The following WDR70 variants were observed in gnomAD, a reference collection of about 807,000 sequenced individuals.
The protein encoded by WDR70 is WD repeat-containing protein 70.
In WDR70, 53 loss-of-function variants were observed where a neutral mutation model predicts 88.6. The observed-to-expected ratio is 0.60, with a 90% confidence interval of 0.48 to 0.75. The LOEUF is 0.75. Among genes scored for constraint, WDR70 ranks in the 30% least tolerant of loss-of-function variants. WDR70 has a pLI of 0.00. For synonymous variants in WDR70, 280 were observed against 270.0 expected, an observed-to-expected ratio of 1.04 and a Z score of -0.36; for missense variants, 610 against 823.2, an observed-to-expected ratio of 0.74 and a Z score of 3.17.
rs765523095 is a variant in WDR70 at position 37,415,793 on chromosome 5, AC to A, written c.492+19224del. Among the ~76,000 whole-genome samples the A allele has an allele frequency of 1.6e-3, 199 of 125,780 alleles. 2 individuals are homozygous for A. The highest frequency in any genetic ancestry group is 5.3e-3 in the South Asian group (17 of 3,196). 82.5% of individuals were successfully genotyped at this position (125,780 alleles called of 152,430 possible). A position where few individuals can be genotyped will look rare whatever the true frequency, so the allele number is the denominator to read the frequency against. On this transcript the variant is annotated intron_variant, in intron 5 of 17. Transcript: ENST00000265107. ...GGCGGAGGGTCTCCTCACTTCTCAG[AC>A]GGGGCGGCCGGGCAGAGACGCTCCT... is the stretch of plus-strand genomic sequence containing the variant.
intron 3 of WDR70, among the ~76,000 whole-genome samples, chr5:37,384,997 T>C (rs1748563741): frequency 1.3e-5 from 2 of 152,154 alleles, no homozygotes; most frequent in African/African-American, 2.4e-5. Context: ...ACCGCTCTTT[T>C]TGGTTTGATA....
chr5:37,683,957 C>T (rs1166083597), intron 10 of WDR70, among the ~76,000 whole-genome samples: 3 of 151,996 alleles, frequency 2.0e-5, no homozygotes, highest in Non-Finnish European at 4.4e-5. Flanking sequence ...TTCCATTCTC[C>T]CCATCTCTTT....
chr5:37,710,623 A>G (rs769707192), intron 13 of WDR70, among the ~76,000 whole-genome samples: 2 of 152,210 alleles, frequency 1.3e-5, no homozygotes, highest in African/African-American at 2.4e-5. Flanking sequence ...TAATGCAACA[A>G]TATAAAAAAT....
chr5:37,560,884 C>T (rs1352276927), intron 9 of WDR70, among the ~76,000 whole-genome samples: 2 of 149,018 alleles, frequency 1.3e-5, no homozygotes, highest in Non-Finnish European at 3.0e-5. Context: ...CAATAATAGC[C>T]CACTGCAGCC....
chr5:37,430,710 GC>G (rs1561849336), intron 5 of WDR70, among the ~76,000 whole-genome samples: 1 of 151,812 alleles, frequency 6.6e-6, no homozygotes, highest in Non-Finnish European at 1.5e-5. Context: ...ACAAGCCTGC[GC>G]CACCACACCC....
chr5:37,411,814 C>A (rs1749534578), intron 5 of WDR70, among the ~76,000 whole-genome samples: 1 of 152,038 alleles, frequency 6.6e-6, no homozygotes, highest in South Asian at 2.1e-4. Flanking sequence ...CCACACTGTC[C>A]CAACTGTGAT....
intron 17 of WDR70, among the ~76,000 whole-genome samples, chr5:37,730,629 T>C (rs1191661636): frequency 6.6e-6 from 1 of 152,174 alleles, no homozygotes; most frequent in African/African-American, 2.4e-5. Flanking sequence ...TTCAGTATTT[T>C]GTAAGTACTA....
At chr5:37,381,518 G>A (rs1305050685) in intron 2 of WDR70, 84 bp from the exon 3 acceptor site, 2 of 1,023,744 alleles carry the variant, frequency 2.0e-6, no homozygotes, top group Non-Finnish European at 3.0e-6. Context: ...GACAAAGTAA[G>A]TGTTTATTGA....
intron 17 of WDR70, among the ~76,000 whole-genome samples, chr5:37,737,014 T>A (rs1006226560): frequency 3.9e-5 from 6 of 152,154 alleles, no homozygotes; most frequent in African/African-American, 1.4e-4. Context: ...AGTAGCAAGC[T>A]GCTATATTGT....
intron 7 of WDR70, among the ~76,000 whole-genome samples, chr5:37,445,590 C>T (rs1738439786): frequency 6.6e-6 from 1 of 152,130 alleles, no homozygotes; most frequent in African/African-American, 2.4e-5. Context: ...GCTTATCCAC[C>T]ATGATCAAGT....
At chr5:37,741,864 T>G (rs1334192671) in intron 17 of WDR70, among the ~76,000 whole-genome samples, 1 of 152,246 alleles carries the variant, frequency 6.6e-6, no homozygotes, top group Non-Finnish European at 1.5e-5. Flanking sequence ...AAACAGTTTT[T>G]GTCTTTCTGT....
intron 9 of WDR70, among the ~76,000 whole-genome samples, chr5:37,537,779 G>A (rs1276225639): frequency 2.0e-5 from 3 of 152,004 alleles, no homozygotes. Flanking sequence ...AAATATCCTA[G>A]ATATTTTTCA....
chr5:37,516,977 C>T (rs769963224), intron 9 of WDR70, among the ~76,000 whole-genome samples: 2 of 152,064 alleles, frequency 1.3e-5, no homozygotes, highest in South Asian at 2.1e-4. Context: ...CTGCCTCAGC[C>T]TCCCAAAGTG....
chr5:37,670,096 T>G (rs779876996), intron 10 of WDR70, among the ~76,000 whole-genome samples: 18 of 152,144 alleles, frequency 1.2e-4, no homozygotes, highest in Non-Finnish European at 2.5e-4. Flanking sequence ...TAAAATTGAT[T>G]GTACTGGTGG....
intron 10 of WDR70, among the ~76,000 whole-genome samples, chr5:37,676,870 C>T (rs1334226016): frequency 6.6e-6 from 1 of 152,054 alleles, no homozygotes; most frequent in African/African-American, 2.4e-5. Flanking sequence ...GTCTTGGACT[C>T]TTTTTGGTTG....
chr5:37,696,314 T>C (rs1359869601), intron 10 of WDR70, among the ~76,000 whole-genome samples: 1 of 152,212 alleles, frequency 6.6e-6, no homozygotes, highest in Non-Finnish European at 1.5e-5. Flanking sequence ...TCACTCAATA[T>C]ATACAGATTA....
intron 9 of WDR70, among the ~76,000 whole-genome samples, chr5:37,517,735 A>G (rs1740931730): frequency 1.2e-5 from 1 of 86,294 alleles, no homozygotes; most frequent in Non-Finnish European, 2.9e-5. Context: ...TATGTGAGAT[A>G]TTTTGATAGC....
At chr5:37,485,234 G>A (rs1161925834) in intron 8 of WDR70, among the ~76,000 whole-genome samples, 1 of 152,132 alleles carries the variant, frequency 6.6e-6, no homozygotes, top group East Asian at 1.9e-4. Flanking sequence ...AGATTAGATT[G>A]TCTACGAAAA....
chr5:37,430,893 G>T (rs971767677), intron 5 of WDR70, among the ~76,000 whole-genome samples: 1 of 151,142 alleles, frequency 6.6e-6, no homozygotes, highest in Non-Finnish European at 1.5e-5. Context: ...TCCTTCTATC[G>T]TCCAGGTTGG....
Sources: gnomAD v4.1 joint callset for allele counts (sites outside exome capture counted in the v4.1 genomes callset) on GRCh38, gnomAD v4.1.1 for gene constraint, MANE v1.5 for transcripts, NCBI Gene and HGNC (gene_info 2026-07-23, HGNC 2026-07-21) for gene names.